The following FAN1 variants were observed in gnomAD, a reference collection of about 807,000 sequenced individuals.
The protein encoded by FAN1 is fanconi-associated nuclease 1.
Under a neutral mutation model 104.9 loss-of-function variants are expected in FAN1, and 91 were observed. The ratio of observed to expected loss-of-function variants is 0.87; its 90% CI spans 0.73 to 1.03. The LOEUF is 1.03. Among genes scored for constraint, FAN1 ranks in the 50% least tolerant of loss-of-function variants. The probability of loss-of-function intolerance (pLI) is 0.00; values close to 1 mark genes in which losing one functional copy is unlikely to be tolerated. For synonymous variants in FAN1, 478 were observed against 457.6 expected (o/e 1.04, Z -0.57); for missense variants, 1,263 against 1,239.9 (o/e 1.02, Z -0.28).
intron 13 of FAN1, among the ~76,000 whole-genome samples, chr15:30,932,221 C>CA (rs766829435): frequency 0.048 from 2,339 of 48,434 alleles, 79 homozygotes; most frequent in African/African-American, 0.072. Flanking sequence ...GACTCCATCT[C>CA]AAAAAAAAAA....
chr15:30,928,463 G>T, intron 10 of FAN1, 90 bp from the exon 11 acceptor site: 1 of 1,555,466 alleles, frequency 6.4e-7, no homozygotes, highest in Non-Finnish European at 8.7e-7. Flanking sequence ...TGAGTGTGCA[G>T]TAGGTTATGG....
At chr15:30,910,353 A>G (rs918421282) in intron 3 of FAN1, among the ~76,000 whole-genome samples, 4 of 152,222 alleles carry the variant, frequency 2.6e-5, no homozygotes, top group Admixed American at 6.5e-5. Flanking sequence ...CATAATGGCT[A>G]TCCATGTGTG....
chr15:30,913,901 C>A lies in FAN1; in HGVS notation c.1621C>A (p.Pro541Thr), dbSNP rs756985017. Residue 541 changes from proline to threonine, a missense_variant, in exon 5 of 15, where the codon CCC becomes ACC. Physicochemically the swap from Pro to Thr is conservative, Grantham distance 38 (BLOSUM62 -1). This residue lies in a region of FAN1 where 581 missense variants were observed against 668.8 expected (regional missense o/e 0.87). Coordinates refer to ENST00000362065, the MANE Select transcript of FAN1 (RefSeq NM_014967.5). ...AGQSVRICKG[P>T]RAVFSRILLL... The stretch of plus-strand genomic sequence containing the variant: ...ACAGTCAGTACGAATCTGTAAAGGC[C>A]CCAGGGCTGTGTTTTCCCGCATCTT... 1 of 1,613,956 alleles carries A rather than the reference C, an allele frequency of 6.2e-7. No individual in the cohort carries two copies. Among genetic ancestry groups the A allele is most frequent in the African/African-American group, 1.3e-5 (1 of 74,904 alleles).
intron 2 of FAN1, chr15:30,906,585 G>A: frequency 2.2e-6 from 1 of 447,376 alleles, no homozygotes; most frequent in Non-Finnish European, 4.5e-6. Context: ...TGTCCCTGAG[G>A]GCAGGAAAAA....
intron 14 of FAN1, among the ~76,000 whole-genome samples, chr15:30,938,230 G>T (rs901576508): frequency 4.6e-5 from 7 of 152,100 alleles, no homozygotes; most frequent in African/African-American, 9.6e-5. Context: ...TTTCCTTCAA[G>T]TAATTAATTA....
rs566328994 is a variant in FAN1 at position 30,926,239 on chromosome 15, C to T, written c.2488+300C>T. Among the ~76,000 whole-genome samples the T allele has an allele frequency of 5.9e-5, 9 of 152,346 alleles. No individual in the cohort carries two copies. The South Asian group carries it at 1.0e-3, about 18-fold the overall frequency. ...CAGGGGGACAGTGTGCTCAACCCCA[C>T]GGACACCCACTTCCATTCAGTGTTC... On this transcript the variant is annotated intron_variant, in intron 10 of 14. Transcript: ENST00000362065.
At chr15:30,926,892 C>G in intron 10 of FAN1, 2 of 985,438 alleles carry the variant, frequency 2.0e-6, no homozygotes, top group Non-Finnish European at 2.4e-6. Flanking sequence ...CTCTGGCTGC[C>G]AGGCTTTATG....
chr15:30,904,771 T>C lies in FAN1; in HGVS notation c.108T>C (p.Asn36=). The stretch of plus-strand genomic sequence containing the variant: ...ATTCTATTATTTCGTGTTTTAACAA[T>C]GCACCACCTGCTAAACTTGCCTGCC... ...ASNSIISCFN[N]APPAKLACPV... is the part of the protein sequence containing the mutation. Residue 36 remains asparagine (N), a synonymous_variant, in exon 2 of 15, where the codon AAT becomes AAC. Coordinates refer to ENST00000362065, the MANE Select transcript of FAN1 (RefSeq NM_014967.5). 2 of 1,613,640 alleles carry C rather than the reference T, an allele frequency of 1.2e-6. No homozygotes were observed. Among genetic ancestry groups the C allele is most frequent in the Non-Finnish European group, 1.7e-6 (2 of 1,179,576 alleles).
At position 30,925,954 on chromosome 15, in the gene FAN1, T is replaced by C. The variant is rs377332419; in HGVS notation, c.2488+15T>C. 1.2e-6 allele frequency: 2 copies of C among 1,613,554 alleles called. No individual in the cohort carries two copies. Among genetic ancestry groups the C allele is most frequent in the African/African-American group, 1.3e-5 (1 of 74,942 alleles). On this transcript the variant is annotated intron_variant, in intron 10 of 14. Coordinates refer to ENST00000362065, the MANE Select transcript of FAN1 (RefSeq NM_014967.5). ...TTTTGACCAGGGTAACTGAGCAGGC[T>C]TTCTCTTGTGGCACCCAGCCCCGGG...
intron 10 of FAN1, chr15:30,926,621 T>C: frequency 1.0e-6 from 1 of 985,226 alleles, no homozygotes; most frequent in Non-Finnish European, 1.2e-6. Context: ...AGGGTGATGT[T>C]ATTGGGGAAG....
rs549899259 is a variant in FAN1 at position 30,935,345 on chromosome 15, G to A, written c.2917-1774G>A. On this transcript the variant is annotated intron_variant, in intron 13 of 14. Transcript: ENST00000362065. ...AAAAAGAAAAAGAAAAAATTTCCAT[G>A]TCTAGAAGTTCTGCTAGTAATGAAT... Among the ~76,000 whole-genome samples, 6 of 152,082 alleles carry A rather than the reference G, an allele frequency of 3.9e-5. No individual in the cohort carries two copies. The East Asian group carries it at 1.2e-3, about 29-fold the overall frequency.
rs2061954840 is a variant in FAN1, at chr15:30,905,469, T to G, written c.806T>G (p.Phe269Cys). 1 of 1,613,940 alleles carries G rather than the reference T, an allele frequency of 6.2e-7. No individual in the cohort carries two copies. Among genetic ancestry groups the G allele is most frequent in the Admixed American group, 1.7e-5 (1 of 60,008 alleles). ...GCGATCATGTTATTCTCACCAGATT[T>G]CACTCTTAGGAATACATTAAAGTCT... is the stretch of plus-strand genomic sequence containing the variant. Reference protein sequence around the residue: ...DNAIMLFSPDFTLRNTLKSTS... With the variant: ...DNAIMLFSPDCTLRNTLKSTS... The change falls in exon 2 of 15, where the codon TTC (phenylalanine) becomes TGC (cysteine). Residue 269 changes from phenylalanine to cysteine, a missense_variant. Coordinates refer to ENST00000362065, the MANE Select transcript of FAN1 (RefSeq NM_014967.5).
intron 9 of FAN1, 129 bp downstream of exon 9, chr15:30,925,420 T>G: frequency 1.1e-6 from 1 of 912,366 alleles, no homozygotes; most frequent in Admixed American, 2.7e-5. Flanking sequence ...AAACTCGTTT[T>G]GGACGGCTGT....
At chr15:30,939,683 C>G (rs570045819) in intron 14 of FAN1, 108 of 957,010 alleles carry the variant, frequency 1.1e-4, no homozygotes, top group Non-Finnish European at 1.3e-4. Context: ...AAGAAAATTA[C>G]AGAGGGAAAA....
chr15:30,926,514 A>AT (rs1297226870), intron 10 of FAN1: 1 of 470,522 alleles, frequency 2.1e-6, no homozygotes, highest in Non-Finnish European at 2.8e-6. Context: ...AACAAGTACT[A>AT]TAGAAAGACA....
At chr15:30,930,437 C>G in intron 12 of FAN1, 106 bp from the exon 13 acceptor site, 5 of 1,345,596 alleles carry the variant, frequency 3.7e-6, no homozygotes, top group South Asian at 1.6e-5. Context: ...TCCATGTGCA[C>G]TGAATTACAT....
At position 30,914,099 on chromosome 15, in the gene FAN1, G is replaced by T. The variant is rs1226060103; in HGVS notation, c.1811+8G>T. On this transcript the variant is annotated splice_region_variant and intron_variant, in intron 5 of 14. Coordinates refer to ENST00000362065, the MANE Select transcript of FAN1 (RefSeq NM_014967.5). Reference sequence around the variant, plus strand: ...CAGAGATGATCTTATCAGGTAAGATGATGTTAGCTCACTATAATGTCTATA... The same window carrying T: ...CAGAGATGATCTTATCAGGTAAGATTATGTTAGCTCACTATAATGTCTATA... 1 of 1,567,172 alleles carries T rather than the reference G, an allele frequency of 6.4e-7. No homozygotes were observed. Among genetic ancestry groups the T allele is most frequent in the Non-Finnish European group, 8.8e-7 (1 of 1,137,770 alleles).
intron 4 of FAN1, among the ~76,000 whole-genome samples, chr15:30,912,286 G>GCC (rs1323080757): frequency 6.6e-6 from 1 of 152,184 alleles, no homozygotes; most frequent in Non-Finnish European, 1.5e-5. Flanking sequence ...GTCCCTGCCA[G>GCC]CCCCACGCTA....
At chr15:30,941,119 T>C (rs2063032757) in intron 14 of FAN1, 7 of 1,260,534 alleles carry the variant, frequency 5.6e-6, no homozygotes, top group African/African-American at 1.6e-5. Context: ...TTCCTAACTT[T>C]CCTGTTGTCT....
Sources: allele counts gnomAD v4.1 joint callset (sites outside exome capture counted in the v4.1 genomes callset), GRCh38; gene constraint gnomAD v4.1.1; regional missense constraint gnomAD v4.1.1; transcripts MANE v1.5; gene names NCBI Gene and HGNC (gene_info 2026-07-23, HGNC 2026-07-21).